VPS13B: variants seen among roughly 807,000 people sequenced by gnomAD.
The protein encoded by VPS13B is intermembrane lipid transfer protein VPS13B.
A neutral mutation model predicts 426.4 loss-of-function variants in VPS13B; 285 were observed. The observed-to-expected ratio is 0.67, with a 90% confidence interval of 0.61 to 0.74. VPS13B has a LOEUF of 0.74. Among genes scored for constraint, VPS13B ranks in the 30% least tolerant of loss-of-function variants. The pLI, the probability that VPS13B is intolerant of heterozygous loss-of-function variation, is 0.00. For missense variants in VPS13B, 4,537 were observed against 4,782.6 expected (o/e 0.95, Z 1.51); for synonymous variants, 1,676 against 1,676.4 (o/e 1.00, Z 0.01).
intron 39 of VPS13B, among the ~76,000 whole-genome samples, chr8:99,723,842 G>A (rs1490728369): frequency 2.0e-5 from 3 of 152,224 alleles, no homozygotes; most frequent in Admixed American, 6.5e-5. Context: ...TAGGGAGCAA[G>A]ACAGGGTTGT....
At chr8:99,526,580 C>T (rs1252675697) in intron 30 of VPS13B, among the ~76,000 whole-genome samples, 1 of 152,036 alleles carries the variant, frequency 6.6e-6, no homozygotes, top group Admixed American at 6.6e-5. Context: ...AAAGATAATT[C>T]AGTTATATAT....
At chr8:99,440,972 A>G (rs566715529) in intron 22 of VPS13B, among the ~76,000 whole-genome samples, 5 of 152,214 alleles carry the variant, frequency 3.3e-5, no homozygotes, top group Non-Finnish European at 7.4e-5. Context: ...AAAATTACTA[A>G]TGAATTATGT....
rs142243129 is a variant in VPS13B at position 99,484,402 on chromosome 8, G to A, written c.3870+2600G>A. 5.8e-3 allele frequency among the ~76,000 whole-genome samples: 880 copies of A among 152,160 alleles called. 6 individuals are homozygous for A. Among genetic ancestry groups the A allele is most frequent in the Non-Finnish European group, 9.9e-3 (672 of 67,946 alleles). On this transcript the variant is annotated intron_variant, in intron 25 of 61. Coordinates refer to ENST00000357162, the MANE Select transcript of VPS13B (RefSeq NM_152564.5). ...CTGAAAATGACAAAATTTTCAAAAT[G>A]TACCCTCTTCTCTTATTTATATAGT...
intron 17 of VPS13B, among the ~76,000 whole-genome samples, chr8:99,229,000 G>A (rs1390245918): frequency 6.6e-6 from 1 of 152,084 alleles, no homozygotes; most frequent in Non-Finnish European, 1.5e-5. Context: ...TGAATCTTCT[G>A]TGCGCTGTTA....
At chr8:99,568,449 C>T (rs1825303430) in intron 31 of VPS13B, among the ~76,000 whole-genome samples, 2 of 151,906 alleles carry the variant, frequency 1.3e-5, no homozygotes, top group South Asian at 4.2e-4. Flanking sequence ...CGCCACCACG[C>T]CTGGCTAACT....
chr8:99,539,466 G>A (rs570060986), intron 30 of VPS13B, among the ~76,000 whole-genome samples: 1 of 152,232 alleles, frequency 6.6e-6, no homozygotes, highest in East Asian at 1.9e-4. Context: ...TAAAAATTAG[G>A]CCAGTGCCAT....
intron 35 of VPS13B, among the ~76,000 whole-genome samples, chr8:99,671,164 T>A (rs550922558): frequency 1.7e-4 from 26 of 152,324 alleles, no homozygotes; most frequent in South Asian, 6.2e-4. Flanking sequence ...TTTGTCTTTT[T>A]GATAATAGCC....
intron 17 of VPS13B, among the ~76,000 whole-genome samples, chr8:99,215,843 A>T (rs1251493533): frequency 6.6e-6 from 1 of 152,142 alleles, no homozygotes; most frequent in Non-Finnish European, 1.5e-5. Context: ...AACCACTCTT[A>T]TCTTAGAGGA....
At chr8:99,838,109 T>G (rs1395636344) in intron 54 of VPS13B, among the ~76,000 whole-genome samples, 1 of 152,294 alleles carries the variant, frequency 6.6e-6, no homozygotes, top group East Asian at 1.9e-4. Flanking sequence ...CCTGCTAACA[T>G]GTAGGCTGCA....
intron 35 of VPS13B, among the ~76,000 whole-genome samples, chr8:99,692,451 C>T (rs1269532081): frequency 2.1e-5 from 3 of 146,252 alleles, no homozygotes; most frequent in Non-Finnish European, 4.5e-5. Context: ...CTACTGGGTA[C>T]ATAACGAAAT....
chr8:99,307,929 C>T (rs981346568), intron 19 of VPS13B, among the ~76,000 whole-genome samples: 1 of 151,824 alleles, frequency 6.6e-6, no homozygotes, highest in African/African-American at 2.4e-5. Flanking sequence ...TGCTGTATTC[C>T]CTAGGTTTTG....
chr8:99,823,128 G>C (rs1814473156), intron 50 of VPS13B, among the ~76,000 whole-genome samples: 1 of 152,160 alleles, frequency 6.6e-6, no homozygotes, highest in Admixed American at 6.6e-5. Context: ...TAGTGGTTAA[G>C]AGCAGCACCA....
chr8:99,222,926 T>G (rs1338441572), intron 17 of VPS13B, among the ~76,000 whole-genome samples: 1 of 152,218 alleles, frequency 6.6e-6, no homozygotes, highest in Admixed American at 6.5e-5. Context: ...AACCTCCGCC[T>G]CCTGGGTTCA....
intron 35 of VPS13B, among the ~76,000 whole-genome samples, chr8:99,677,911 C>T (rs1831006401): frequency 6.6e-6 from 1 of 152,148 alleles, no homozygotes; most frequent in Admixed American, 6.5e-5. Flanking sequence ...TTTCTGCCTG[C>T]AGTTTTTTTC....
chr8:99,604,765 CAGGT>C (rs1827496123), intron 33 of VPS13B, among the ~76,000 whole-genome samples: 1 of 152,048 alleles, frequency 6.6e-6, no homozygotes, highest in Non-Finnish European at 1.5e-5. Context: ...GCTGGGATTA[CAGGT>C]TCCTTGGTTT....
intron 17 of VPS13B, among the ~76,000 whole-genome samples, chr8:99,222,288 C>A (rs1815767311): frequency 6.6e-6 from 1 of 152,190 alleles, no homozygotes; most frequent in Non-Finnish European, 1.5e-5. Flanking sequence ...CATGTAACTT[C>A]CTTCCCAGTT....
chr8:99,063,347 A>T (rs1844301048), intron 3 of VPS13B, among the ~76,000 whole-genome samples: 1 of 152,234 alleles, frequency 6.6e-6, no homozygotes, highest in African/African-American at 2.4e-5. Flanking sequence ...GGTACCTGGA[A>T]AAACAGGACA....
chr8:99,613,389 T>C (rs1827923720), intron 33 of VPS13B, among the ~76,000 whole-genome samples: 2 of 152,220 alleles, frequency 1.3e-5, no homozygotes, highest in Non-Finnish European at 2.9e-5. Flanking sequence ...ACAATATTTA[T>C]TATTTGGTGG....
intron 33 of VPS13B, among the ~76,000 whole-genome samples, chr8:99,640,076 GA>G (rs1481473147): frequency 2.7e-5 from 4 of 145,652 alleles, no homozygotes; most frequent in African/African-American, 1.0e-4. Context: ...GAAAAGAAAA[GA>G]AAAGAAAAGA....
Sources: allele counts gnomAD v4.1 joint callset (sites outside exome capture counted in the v4.1 genomes callset), GRCh38; gene constraint gnomAD v4.1.1; transcripts MANE v1.5; gene names NCBI Gene and HGNC (gene_info 2026-07-23, HGNC 2026-07-21).